NCOR2: variants seen among roughly 807,000 people sequenced by gnomAD.
NCOR2 encodes the protein CTG repeat protein 26.
NCOR2 carries 81 observed loss-of-function variants against 262.9 expected under a neutral mutation model. The observed-to-expected ratio is 0.31, with a 90% CI of 0.26 to 0.37. NCOR2 has a LOEUF of 0.37. NCOR2 is among the 10% of genes least tolerant of loss of function. The pLI, the probability that NCOR2 is intolerant of heterozygous loss-of-function variation, is 1.00. For missense variants in NCOR2, 3,385 were observed against 3,621.4 expected, an observed-to-expected ratio of 0.93 and a Z score of 1.68; for synonymous variants, 1,659 against 1,559.3, an observed-to-expected ratio of 1.06 and a Z score of -1.51.
rs372760359 is a variant in NCOR2, at chr12:124,457,796, G to A, written c.706-634C>T. 3.4e-3 allele frequency among the ~76,000 whole-genome samples: 519 copies of A among 152,204 alleles called. 3 individuals carry two copies. The highest frequency in any genetic ancestry group is 0.012 in the African/African-American group (489 of 41,538). ...CGCTCCATCAATAGGCTGGACCTCC[G>A]GGCCCCCACCCCGGCCCTCGGTGTG... is the stretch of plus-strand genomic sequence containing the variant. On this transcript the variant is annotated intron_variant, in intron 5 of 46. Coordinates refer to ENST00000405201, the Ensembl canonical transcript of NCOR2. This position sits in a 1 kb window ranked among gnomAD's most constrained non-coding sequence, Gnocchi z 4.0.
At chr12:124,497,593 T>C (rs1259706659), upstream of NCOR2, among the ~76,000 whole-genome samples, 1 of 152,120 alleles carries the variant, frequency 6.6e-6, no homozygotes, top group Non-Finnish European at 1.5e-5. The surrounding 1 kb of genome is among the most constrained non-coding windows in gnomAD (Gnocchi z 4.2). Context: ...CAGTACTATG[T>C]GGAATAAATA....
Position 124,346,709 on chromosome 12 carries a change from AG to A in NCOR2, c.4213del (p.Leu1405Ter). 6.4e-7 allele frequency: 1 copy of A among 1,566,482 alleles called. No homozygotes were observed. The highest frequency in any genetic ancestry group is 8.6e-7 in the Non-Finnish European group (1 of 1,156,720). ...GCCCTCATGGGCCGGCTTCAGCTTC[AG>A]GGGGCCCAGGGCCTGCGTCTTGTAG... On this transcript the variant is annotated frameshift_variant, in exon 31 of 47. Transcript: ENST00000405201. LOFTEE classifies it high-confidence loss of function.
At chr12:124,372,312 C>G (rs1261347991) in exon 20 of NCOR2, 2 of 1,529,632 alleles carry the variant, frequency 1.3e-6, no homozygotes, top group South Asian at 1.3e-5. Context: ...GCTCCTCCCC[C>G]TCCTCCACTG....
rs3825112 is a variant in NCOR2 at position 124,345,850 on chromosome 12, C to G, written c.4359+714G>C. 0.012 allele frequency among the ~76,000 whole-genome samples: 1,895 copies of G among 152,306 alleles called. 87 individuals are homozygous for G. In the East Asian group the frequency reaches 0.14, roughly 12 times the overall value. On this transcript the variant is annotated intron_variant, in intron 31 of 46. Coordinates refer to ENST00000405201, the Ensembl canonical transcript of NCOR2. Reference sequence around the variant, plus strand: ...CTTCCGCCTCACAGCCCCACAGCCCCGTGGTGGCTCCCATTCTCCTTCCCC... The same window carrying G: ...CTTCCGCCTCACAGCCCCACAGCCCGGTGGTGGCTCCCATTCTCCTTCCCC...
chr12:124,498,019 A>G (rs1039332626), upstream of NCOR2, among the ~76,000 whole-genome samples: 1 of 152,136 alleles, frequency 6.6e-6, no homozygotes, highest in African/African-American at 2.4e-5. Context: ...CTCATGCAGC[A>G]AAGCAAATTC....
chr12:124,430,432 C>T (rs78577395), intron 9 of NCOR2, among the ~76,000 whole-genome samples, 183 bp downstream of exon 11: 5,241 of 152,314 alleles, frequency 0.034, 270 homozygotes, highest in African/African-American at 0.11. Context: ...ATTTAAGTTC[C>T]AAGTAAGTAT....
intron 7 of NCOR2, among the ~76,000 whole-genome samples, chr12:124,439,258 G>A (rs866916561): frequency 0.18 from 14,304 of 79,682 alleles, 4 homozygotes; most frequent in South Asian, 0.2. Flanking sequence ...CAGAGAGAGA[G>A]AGATGGAGAC....
At chr12:124,564,201 A>C (rs964122935) in intron 1 of NCOR2, among the ~76,000 whole-genome samples, 2 of 152,172 alleles carry the variant, frequency 1.3e-5, no homozygotes, top group Non-Finnish European at 2.9e-5. Flanking sequence ...CCTGGCTCCA[A>C]GCTCCCTCAA....
intron 19 of NCOR2, among the ~76,000 whole-genome samples, chr12:124,372,929 C>T (rs796962469): frequency 2.6e-5 from 4 of 152,148 alleles, no homozygotes; most frequent in Non-Finnish European, 5.9e-5. Flanking sequence ...TGAGGGTGGC[C>T]GTGGGCAAAG....
chr12:124,340,639 G>A (rs1024773806), exon 35 of NCOR2: 3 of 1,497,154 alleles, frequency 2.0e-6, no homozygotes, highest in Admixed American at 2.4e-5. Context: ...GGCTGCTGAA[G>A]GGCTGGGGCG....
chr12:124,359,904 G>A (rs1050423569), intron 22 of NCOR2, among the ~76,000 whole-genome samples: 2 of 152,234 alleles, frequency 1.3e-5, no homozygotes, highest in Non-Finnish European at 2.9e-5. Context: ...GTGTCCCTGC[G>A]GGAGCTGAGC....
In NCOR2 at chr12:124,367,243, G is replaced by A. The variant is rs1305742671; in HGVS notation, c.2808-3444C>T. On this transcript the variant is annotated intron_variant, in intron 20 of 46. Transcript: ENST00000405201. ...GGGGTGAGCGGGGGCAGGGGCTGCT[G>A]CCCAGAAGCTCTCAGCAGGTACCCT... 2.0e-5 allele frequency among the ~76,000 whole-genome samples: 3 copies of A among 152,246 alleles called. No individual in the cohort carries two copies. In the East Asian group the frequency reaches 5.8e-4, roughly 29 times the overall value.
At chr12:124,519,089 T>TAC (rs57438929) in intron 1 of NCOR2, among the ~76,000 whole-genome samples, 3,307 of 97,280 alleles carry the variant, frequency 0.034, 136 homozygotes, top group African/African-American at 0.099. Context: ...GGCCAAATAA[T>TAC]ACACACACAC....
chr12:124,563,727 C>T (rs2052143095), intron 1 of NCOR2, among the ~76,000 whole-genome samples: 1 of 152,220 alleles, frequency 6.6e-6, no homozygotes, highest in Non-Finnish European at 1.5e-5. Context: ...AAAATGAGAC[C>T]TCAAAGAAAT....
intron 32 of NCOR2, among the ~76,000 whole-genome samples, chr12:124,343,877 C>T (rs927933453): frequency 1.1e-4 from 16 of 152,318 alleles, no homozygotes; most frequent in Non-Finnish European, 1.5e-4. Flanking sequence ...ATCTGCCTGC[C>T]TTGACCTCCC....
intron 1 of NCOR2, among the ~76,000 whole-genome samples, chr12:124,553,584 CAGTGCAG>C (rs1436621655): frequency 1.3e-5 from 2 of 152,352 alleles, no homozygotes; most frequent in East Asian, 3.9e-4. Context: ...ACGTCCCCAG[CAGTGCAG>C]AGTCCAGCAT....
At chr12:124,359,733 G>A (rs747438147) in intron 22 of NCOR2, among the ~76,000 whole-genome samples, 2 of 152,264 alleles carry the variant, frequency 1.3e-5, no homozygotes, top group Non-Finnish European at 2.9e-5. Flanking sequence ...GGCCAGGCTG[G>A]GCGGGCGGCC....
intron 34 of NCOR2, among the ~76,000 whole-genome samples, 160 bp from the exon 37 acceptor site, chr12:124,340,911 C>A (rs562922150): frequency 1.9e-4 from 29 of 152,298 alleles, no homozygotes; most frequent in Admixed American, 1.3e-3. Flanking sequence ...AGCCATGGAA[C>A]CCTTTTCTGA....
chr12:124,458,793 G>A (rs2046014926), intron 5 of NCOR2, among the ~76,000 whole-genome samples: 1 of 152,188 alleles, frequency 6.6e-6, no homozygotes, highest in African/African-American at 2.4e-5. Context: ...CCTAGGCTTG[G>A]GACTAGTATT....
Sources: allele counts gnomAD v4.1 joint callset (sites outside exome capture counted in the v4.1 genomes callset), GRCh38; gene constraint gnomAD v4.1.1; non-coding constraint Gnocchi (gnomAD v3.1); transcripts MANE v1.5; gene names NCBI Gene and HGNC (gene_info 2026-07-23, HGNC 2026-07-21).